CACNB2: variants seen among roughly 807,000 people sequenced by gnomAD.
The protein encoded by CACNB2 is calcium voltage-gated channel auxiliary subunit beta 2, also known as voltage-dependent L-type calcium channel subunit beta-2.
CACNB2 carries 42 observed loss-of-function variants against 73.3 expected under a neutral mutation model. The ratio of observed to expected loss-of-function variants is 0.57; its 90% CI spans 0.45 to 0.74. CACNB2 has a LOEUF of 0.74. Among genes scored for constraint, CACNB2 ranks in the 30% least tolerant of loss-of-function variants. The pLI, the probability that CACNB2 is intolerant of heterozygous loss-of-function variation, is 0.00. For missense variants in CACNB2, 940 were observed against 853.0 expected (o/e 1.10, Z -1.27); for synonymous variants, 348 against 310.3 (o/e 1.12, Z -1.28).
intron 7 of CACNB2, among the ~76,000 whole-genome samples, chr10:18,516,739 G>A (rs901453633): frequency 6.6e-6 from 1 of 151,868 alleles, no homozygotes; most frequent in Admixed American, 6.6e-5. Flanking sequence ...TGAGAAGATC[G>A]TTTTCTATGT....
intron 2 of CACNB2, among the ~76,000 whole-genome samples, chr10:18,338,880 A>T (rs558917005): frequency 1.3e-5 from 2 of 151,596 alleles, no homozygotes; most frequent in East Asian, 3.9e-4. Context: ...CTGGGACCAC[A>T]GGCACATGCC....
At chr10:18,407,224 C>T (rs933548713) in intron 3 of CACNB2, among the ~76,000 whole-genome samples, 3 of 146,722 alleles carry the variant, frequency 2.0e-5, no homozygotes, top group Admixed American at 1.4e-4. Flanking sequence ...CGGGTTCAAG[C>T]GATTCTCACA....
chr10:18,250,533 CTTT>C lies in CACNB2; in HGVS notation c.213+99570_213+99572del, dbSNP rs368248510. The stretch of plus-strand genomic sequence containing the variant: ...TGCCTATTGTCAATTTTATCTCTCT[CTTT>C]TTTTTTTTTTTGAAAGTTGTCCATT... On this transcript the variant is annotated intron_variant, in intron 2 of 13. Transcript: ENST00000324631. Among the ~76,000 whole-genome samples the C allele has an allele frequency of 6.2e-5, 9 of 145,800 alleles. No individual in the cohort carries two copies. The South Asian group carries it at 1.3e-3, about 21-fold the overall frequency.
intron 2 of CACNB2, among the ~76,000 whole-genome samples, chr10:18,291,904 A>T (rs1454731434): frequency 1.3e-5 from 2 of 152,206 alleles, no homozygotes; most frequent in African/African-American, 4.8e-5. Context: ...AAAGCATATA[A>T]ATATCTTTGT....
chr10:18,289,262 G>T (rs1187793664), intron 2 of CACNB2, among the ~76,000 whole-genome samples: 2 of 145,324 alleles, frequency 1.4e-5, no homozygotes, highest in Non-Finnish European at 3.0e-5. Context: ...ATCTTACGAA[G>T]TTGTCTTCAT....
At chr10:18,347,400 A>G (rs1431130476) in intron 2 of CACNB2, among the ~76,000 whole-genome samples, 2 of 135,668 alleles carry the variant, frequency 1.5e-5, no homozygotes, top group Admixed American at 8.2e-5. Context: ...CAAGTTGCCC[A>G]GGCTTGTCAC....
intron 2 of CACNB2, among the ~76,000 whole-genome samples, chr10:18,155,974 T>C (rs908095468): frequency 2.6e-5 from 4 of 151,850 alleles, no homozygotes; most frequent in Non-Finnish European, 5.9e-5. Flanking sequence ...TGAAAGGTTT[T>C]ATCAGAGCAT....
intron 3 of CACNB2, among the ~76,000 whole-genome samples, chr10:18,488,453 C>T (rs111956906): frequency 8.3e-5 from 9 of 108,988 alleles, no homozygotes; most frequent in East Asian, 3.1e-4. Flanking sequence ...CCGGCCTGGG[C>T]GACAGAGCGA....
intron 3 of CACNB2, among the ~76,000 whole-genome samples, chr10:18,408,523 G>A (rs1180515605): frequency 6.6e-6 from 1 of 152,022 alleles, no homozygotes; most frequent in Non-Finnish European, 1.5e-5. Context: ...ACAAGCATGA[G>A]CCACTGTGCC....
At chr10:18,372,488 C>G (rs2042629294) in intron 2 of CACNB2, among the ~76,000 whole-genome samples, 1 of 152,118 alleles carries the variant, frequency 6.6e-6, no homozygotes, top group Non-Finnish European at 1.5e-5. Flanking sequence ...CTCACTGCAA[C>G]CTCTGCCTCC....
chr10:18,378,079 C>T (rs1248022257), intron 2 of CACNB2, among the ~76,000 whole-genome samples: 1 of 152,076 alleles, frequency 6.6e-6, no homozygotes, highest in Non-Finnish European at 1.5e-5. Context: ...ATGATCTAAT[C>T]AAGAGTTTGC....
At chr10:18,232,166 G>T (rs1464168888) in intron 2 of CACNB2, among the ~76,000 whole-genome samples, 1 of 152,172 alleles carries the variant, frequency 6.6e-6, no homozygotes, top group Non-Finnish European at 1.5e-5. Flanking sequence ...AAACCATAGT[G>T]AGAAGAATTT....
At chr10:18,243,535 G>A (rs2036742896) in intron 2 of CACNB2, among the ~76,000 whole-genome samples, 1 of 152,158 alleles carries the variant, frequency 6.6e-6, no homozygotes, top group Non-Finnish European at 1.5e-5. Context: ...TTCCCAATGA[G>A]GTAACGTTGG....
At chr10:18,195,754 CT>C (rs1285071874) in intron 2 of CACNB2, among the ~76,000 whole-genome samples, 3 of 152,172 alleles carry the variant, frequency 2.0e-5, no homozygotes, top group African/African-American at 7.2e-5. Flanking sequence ...TGGACTGGTT[CT>C]GACACTGGTC....
At chr10:18,441,466 A>G (rs1473971564) in intron 3 of CACNB2, among the ~76,000 whole-genome samples, 2 of 152,196 alleles carry the variant, frequency 1.3e-5, no homozygotes, top group African/African-American at 2.4e-5. Flanking sequence ...TTTGTTTTTC[A>G]TCAACTTTTG....
At chr10:18,522,401 A>G (rs1402818650) in intron 9 of CACNB2, among the ~76,000 whole-genome samples, 3 of 152,152 alleles carry the variant, frequency 2.0e-5, no homozygotes, top group Non-Finnish European at 4.4e-5. Flanking sequence ...CCTGGTGCCA[A>G]AAAGGTTGGG....
At chr10:18,402,446 A>G (rs2044055488) in intron 3 of CACNB2, among the ~76,000 whole-genome samples, 1 of 150,816 alleles carries the variant, frequency 6.6e-6, no homozygotes. Flanking sequence ...TTAGACTTGA[A>G]CAGTTTTTCC....
chr10:18,285,663 A>G (rs2038755549), intron 2 of CACNB2, among the ~76,000 whole-genome samples: 1 of 152,250 alleles, frequency 6.6e-6, no homozygotes, highest in African/African-American at 2.4e-5. Flanking sequence ...AGTTTGTTAC[A>G]CAGCAGTTGA....
chr10:18,180,510 C>T (rs916697085), intron 2 of CACNB2, among the ~76,000 whole-genome samples: 2 of 151,106 alleles, frequency 1.3e-5, no homozygotes, highest in Non-Finnish European at 2.9e-5. Context: ...AATCCTGTTG[C>T]GTCGCAGAGG....
Sources: allele counts gnomAD v4.1 joint callset (sites outside exome capture counted in the v4.1 genomes callset), GRCh38; gene constraint gnomAD v4.1.1; transcripts MANE v1.5; gene names NCBI Gene and HGNC (gene_info 2026-07-23, HGNC 2026-07-21).